The following DNAH3 variants were observed in gnomAD, a reference collection of about 807,000 sequenced individuals.
The protein encoded by DNAH3 is dynein axonemal heavy chain 3.
A neutral mutation model predicts 432.5 loss-of-function variants in DNAH3; 332 were observed. That is an observed-to-expected ratio of 0.77 (90% CI 0.70 to 0.84). The LOEUF (loss-of-function observed/expected upper bound fraction) is 0.84. DNAH3 is among the 40% of genes least tolerant of loss of function. The pLI is 0.00. For synonymous variants in DNAH3, 1,956 were observed against 1,900.2 expected, an observed-to-expected ratio of 1.03 and a Z score of -0.76; for missense variants, 4,861 against 5,114.0, an observed-to-expected ratio of 0.95 and a Z score of 1.51.
At chr16:20,936,930 C>T in intron 59 of DNAH3, 77 bp from the exon 60 acceptor site, 3 of 1,169,596 alleles carry the variant, frequency 2.6e-6, no homozygotes, top group Non-Finnish European at 3.6e-6. Context: ...CTGCTGTCCC[C>T]TTTAAAATGT....
chr16:21,051,871 G>T lies in DNAH3; in HGVS notation c.4040-3C>A, dbSNP rs1015463134. The stretch of plus-strand genomic sequence containing the variant: ...TAACTTGGCCACCACGTCGCGGGCT[G>T]TTGGGACACAGATGCAGAAACACGC... On this transcript the variant is annotated splice_region_variant and splice_polypyrimidine_tract_variant and intron_variant, in intron 28 of 61. Coordinates refer to ENST00000261383, the Ensembl canonical transcript of DNAH3. The T allele has an allele frequency of 6.2e-7, 1 of 1,614,122 alleles. No homozygotes were observed. The highest frequency in any genetic ancestry group is 1.1e-5 in the South Asian group (1 of 91,082).
chr16:21,059,218 T>C (rs1202153777), intron 26 of DNAH3, among the ~76,000 whole-genome samples: 1 of 152,192 alleles, frequency 6.6e-6, no homozygotes, highest in African/African-American at 2.4e-5. Flanking sequence ...GAGTTGAAAA[T>C]ATTTACTATC....
Position 20,989,858 on chromosome 16 carries a change from G to C in DNAH3, c.6602-1793C>G, listed in dbSNP as rs372807089. Among the ~76,000 whole-genome samples the C allele has an allele frequency of 1.3e-3, 198 of 152,358 alleles. 2 individuals are homozygous for C. In the East Asian group the frequency reaches 0.034, roughly 26 times the overall value. On this transcript the variant is annotated intron_variant, in intron 44 of 61. Coordinates refer to ENST00000261383, the Ensembl canonical transcript of DNAH3. The stretch of plus-strand genomic sequence containing the variant: ...TGGGCTGGCACTGCTGGGGGACCCA[G>C]TACACCCTCCGCAGCCGCTGGCCGG...
At chr16:20,956,328 G>A (rs896737088) in intron 54 of DNAH3, among the ~76,000 whole-genome samples, 3 of 152,194 alleles carry the variant, frequency 2.0e-5, no homozygotes, top group Non-Finnish European at 4.4e-5. Flanking sequence ...CATGGCAACA[G>A]TTAGCTAGTA....
chr16:20,991,119 CT>C (rs1273707595), intron 44 of DNAH3, among the ~76,000 whole-genome samples: 1 of 152,170 alleles, frequency 6.6e-6, no homozygotes, highest in Non-Finnish European at 1.5e-5. Flanking sequence ...AAACTGTCTC[CT>C]TTTCTTCCTC....
intron 7 of DNAH3, among the ~76,000 whole-genome samples, chr16:21,131,504 A>AAGGAAGGAAG (rs1567846295): frequency 2.2e-5 from 3 of 139,180 alleles, no homozygotes; most frequent in African/African-American, 8.4e-5. Context: ...GAGATGAGAG[A>AAGGAAGGAAG]GAAGGAAGGA....
chr16:21,040,853 A>G (rs1471417548), intron 32 of DNAH3, among the ~76,000 whole-genome samples: 4 of 152,242 alleles, frequency 2.6e-5, no homozygotes, highest in African/African-American at 4.8e-5. Flanking sequence ...GTAAGTGTTC[A>G]GTATGCACCA....
chr16:21,141,926 C>T (rs1444192650), intron 3 of DNAH3, among the ~76,000 whole-genome samples: 2 of 152,064 alleles, frequency 1.3e-5, no homozygotes, highest in African/African-American at 4.8e-5. Flanking sequence ...GCGGCGAGCG[C>T]CTGTAGACCC....
intron 18 of DNAH3, among the ~76,000 whole-genome samples, chr16:21,094,958 G>A (rs1047973638): frequency 2.6e-5 from 4 of 152,244 alleles, no homozygotes; most frequent in Admixed American, 2.0e-4. Flanking sequence ...TTCCACCATG[G>A]TTGTGAGGCC....
chr16:21,115,680 C>T (rs1001102163), intron 12 of DNAH3, among the ~76,000 whole-genome samples: 3 of 149,912 alleles, frequency 2.0e-5, no homozygotes, highest in Admixed American at 6.7e-5. Flanking sequence ...ATACTCCAGC[C>T]TGGGTGACAG....
At chr16:21,140,793 G>A in intron 4 of DNAH3, 83 bp from the exon 6 acceptor site, 2 of 1,332,328 alleles carry the variant, frequency 1.5e-6, no homozygotes, top group Non-Finnish European at 2.1e-6. Context: ...CTAGCCTGAT[G>A]AGTGTGGTTC....
At chr16:21,030,624 A>G (rs2088823348) in intron 37 of DNAH3, among the ~76,000 whole-genome samples, 1 of 152,220 alleles carries the variant, frequency 6.6e-6, no homozygotes, top group Admixed American at 6.5e-5. Context: ...GTAGTTTGTT[A>G]TATAGCAATA....
chr16:20,946,050 C>T lies in DNAH3; in HGVS notation c.11344-1387G>A, dbSNP rs139182066. Among the ~76,000 whole-genome samples the T allele has an allele frequency of 1.2e-4, 18 of 152,236 alleles. 1 individual carries two copies. In the East Asian group the frequency reaches 2.3e-3, roughly 20 times the overall value. ...CATCTGAATGGACTTCCTCCTTGTC[C>T]GGGGCACTCTAAAATTTAACCTGAA... On this transcript the variant is annotated intron_variant, in intron 57 of 61. Coordinates refer to ENST00000261383, the Ensembl canonical transcript of DNAH3.
intron 24 of DNAH3, among the ~76,000 whole-genome samples, chr16:21,066,530 C>G (rs963773106): frequency 6.6e-6 from 1 of 152,044 alleles, no homozygotes; most frequent in African/African-American, 2.4e-5. Context: ...ACCACACTGG[C>G]TTATTTTTTG....
intron 56 of DNAH3, among the ~76,000 whole-genome samples, chr16:20,951,944 C>T (rs564065969): frequency 3.3e-5 from 5 of 151,566 alleles, no homozygotes; most frequent in Admixed American, 1.3e-4. Flanking sequence ...AGGTTTTCAC[C>T]GTGTTACCCA....
chr16:21,063,430 C>G (rs1452729844), intron 24 of DNAH3, among the ~76,000 whole-genome samples: 1 of 151,146 alleles, frequency 6.6e-6, no homozygotes, highest in Non-Finnish European at 1.5e-5. Flanking sequence ...TAATAATGAG[C>G]CTATTTACAT....
intron 18 of DNAH3, among the ~76,000 whole-genome samples, chr16:21,095,274 C>T (rs545718954): frequency 6.6e-6 from 1 of 152,310 alleles, no homozygotes; most frequent in East Asian, 1.9e-4. Flanking sequence ...TAAATATTTA[C>T]AGCATCTCTA....
intron 41 of DNAH3, among the ~76,000 whole-genome samples, chr16:21,007,759 TA>T (rs2087387159): frequency 1.3e-5 from 2 of 152,172 alleles, no homozygotes; most frequent in South Asian, 4.1e-4. Flanking sequence ...TTTGTTGTCT[TA>T]AGACATCATT....
At chr16:20,967,519 T>TTG in intron 52 of DNAH3, among the ~76,000 whole-genome samples, 1 of 141,480 alleles carries the variant, frequency 7.1e-6, no homozygotes, top group African/African-American at 2.8e-5. Flanking sequence ...TTTTTTTTTT[T>TTG]GAGACGGAGT....
Sources: gnomAD v4.1 joint callset for allele counts (sites outside exome capture counted in the v4.1 genomes callset) on GRCh38, gnomAD v4.1.1 for gene constraint, MANE v1.5 for transcripts, NCBI Gene and HGNC (gene_info 2026-07-23, HGNC 2026-07-21) for gene names.